SLC26A5: variants seen among roughly 807,000 people sequenced by gnomAD.
The protein encoded by SLC26A5 is prestin.
SLC26A5 carries 51 observed loss-of-function variants against 81.0 expected under a neutral mutation model. That is an observed-to-expected ratio of 0.63 (90% confidence interval 0.50 to 0.80). The LOEUF (loss-of-function observed/expected upper bound fraction) is 0.80, where lower values mean the gene tolerates loss of function less well. SLC26A5 is among the 30% of genes least tolerant of loss of function. The pLI, the probability that SLC26A5 is intolerant of heterozygous loss-of-function variation, is 0.00. For missense variants in SLC26A5, 771 were observed against 905.8 expected (o/e 0.85, Z 1.91); for synonymous variants, 325 against 332.8 (o/e 0.98, Z 0.25).
chr7:103,390,026 C>T (rs1822519153), intron 12 of SLC26A5, among the ~76,000 whole-genome samples: 1 of 152,200 alleles, frequency 6.6e-6, no homozygotes, highest in Non-Finnish European at 1.5e-5. Context: ...GGTCTTTCTA[C>T]ATTATGATCT....
In SLC26A5 at chr7:103,403,548, G is replaced by A. The variant is rs192041218; in HGVS notation, c.888+4303C>T. Among the ~76,000 whole-genome samples the A allele has an allele frequency of 3.7e-3, 568 of 152,240 alleles. 13 individuals are homozygous for A. The highest frequency in any genetic ancestry group is 0.034 in the Admixed American group (515 of 15,294). On this transcript the variant is annotated intron_variant, in intron 8 of 19. Coordinates refer to ENST00000306312, the MANE Select transcript of SLC26A5 (RefSeq NM_198999.3). ...CTAAGGACTTGGTTTATGAATCTGG[G>A]TGCTCCTGTATTGGGTGCATATATA...
At chr7:103,362,585 CTT>C in intron 19 of SLC26A5, 14 of 1,446,528 alleles carry the variant, frequency 9.7e-6, no homozygotes, top group Non-Finnish European at 1.2e-5. Flanking sequence ...CTGTCTCTCT[CTT>C]GTTTTCTTAA....
At chr7:103,383,596 CTG>C (rs1821956552) in intron 14 of SLC26A5, among the ~76,000 whole-genome samples, 1 of 152,192 alleles carries the variant, frequency 6.6e-6, no homozygotes. Context: ...GCTTCTCACA[CTG>C]TACCTTGCTT....
chr7:103,371,576 C>T (rs930910495), downstream of SLC26A5, among the ~76,000 whole-genome samples: 2 of 150,686 alleles, frequency 1.3e-5, no homozygotes, highest in Non-Finnish European at 3.0e-5. Context: ...CTGCCTGCCT[C>T]GGCCTCCCAA....
At chr7:103,391,246 G>C (rs1822626927) in intron 11 of SLC26A5, among the ~76,000 whole-genome samples, 1 of 152,224 alleles carries the variant, frequency 6.6e-6, no homozygotes, top group Non-Finnish European at 1.5e-5. Flanking sequence ...CATGTTGCTA[G>C]TGGCTGCCAT....
At position 103,421,450 on chromosome 7, in the gene SLC26A5, A is replaced by G. The variant is rs369488256; in HGVS notation, c.65T>C (p.Ile22Thr). 2.1e-5 allele frequency: 34 copies of G among 1,613,962 alleles called. No individual in the cohort carries two copies. The highest frequency in any genetic ancestry group is 2.4e-5 in the Non-Finnish European group (28 of 1,179,946). ...ATQRYYVERP[I>T]FSHPVLQERL... ...TTCCTGGAGGACCGGATGACTAAAG[A>G]TAGGCCTTTCCACATAGTACCTCTG... Residue 22 changes from isoleucine (I) to threonine (T), a missense_variant, in exon 3 of 20, where the codon ATC (isoleucine) becomes ACC (threonine). Physicochemically the swap from Ile to Thr is moderately conservative, Grantham distance 89. Transcript: ENST00000306312.
chr7:103,362,803 T>G (rs753833604), intron 19 of SLC26A5: 10 of 1,446,158 alleles, frequency 6.9e-6, no homozygotes, highest in Non-Finnish European at 9.6e-6. Context: ...TCTTTTTTTT[T>G]TTTTTTTTTT....
chr7:103,380,446 T>C lies in SLC26A5; in HGVS notation c.1584+34A>G, dbSNP rs771000312. The C allele has an allele frequency of 6.4e-6, 10 of 1,574,406 alleles. No individual in the cohort carries two copies. The South Asian group carries it at 1.0e-4, about 16-fold the overall frequency. On this transcript the variant is annotated intron_variant, in intron 15 of 19. Transcript: ENST00000306312. ...TACTTAGCCAAGCACATCACATGCT[T>C]ACAACCTTTTTAAGTGATAGAAAAA...
intron 1 of SLC26A5, chr7:103,445,397 C>T (rs1390480826): frequency 6.6e-6 from 1 of 152,244 alleles, no homozygotes; most frequent in Admixed American, 6.5e-5. Flanking sequence ...CTGCCGCGAG[C>T]TTCGAGAGTT....
At chr7:103,412,845 C>T (rs1012943266) in intron 5 of SLC26A5, among the ~76,000 whole-genome samples, 157 bp downstream of exon 5, 2 of 152,092 alleles carry the variant, frequency 1.3e-5, no homozygotes, top group African/African-American at 4.8e-5. Flanking sequence ...GCCACCGCAC[C>T]TGGCCGAGTG....
Position 103,407,918 on chromosome 7 carries a change from C to T in SLC26A5, c.821G>A (p.Gly274Asp), listed in dbSNP as rs1290846591. The T allele has an allele frequency of 1.9e-6, 3 of 1,614,206 alleles. No individual in the cohort carries two copies. The highest frequency in any genetic ancestry group is 2.7e-5 in the African/African-American group (2 of 75,056). The change falls in exon 8 of 20, where the codon GGT becomes GAT. Residue 274 changes from glycine to aspartate, a missense_variant. Coordinates refer to ENST00000306312, the MANE Select transcript of SLC26A5 (RefSeq NM_198999.3). ...VGLMVFGLLL[G>D]GKEFNERFKE... ...AAATCTCTCATTAAACTCCTTGCCA[C>T]CCAACAGCAAACCAAAAACCATCAG...
chr7:103,429,613 G>A (rs562497445), intron 2 of SLC26A5, among the ~76,000 whole-genome samples: 4 of 152,294 alleles, frequency 2.6e-5, no homozygotes, highest in African/African-American at 9.6e-5. Context: ...GCAATAACCA[G>A]AATATATTAT....
chr7:103,408,479 G>C (rs1824235842), intron 7 of SLC26A5, among the ~76,000 whole-genome samples: 1 of 151,966 alleles, frequency 6.6e-6, no homozygotes, highest in Admixed American at 6.6e-5. Flanking sequence ...TGCCTGCCTC[G>C]GCCTCCCAAA....
intron 2 of SLC26A5, among the ~76,000 whole-genome samples, chr7:103,430,584 C>T (rs982382664): frequency 2.3e-5 from 3 of 132,970 alleles, no homozygotes; most frequent in African/African-American, 3.6e-5. Flanking sequence ...CTTCTGCCTG[C>T]TGTTCCAGAG....
At chr7:103,358,666 T>C (rs541672027) in intron 19 of SLC26A5, among the ~76,000 whole-genome samples, 4 of 152,228 alleles carry the variant, frequency 2.6e-5, no homozygotes, top group Admixed American at 2.0e-4. Context: ...CTTTCATTTT[T>C]GTGTGTGTGT....
At chr7:103,392,233 T>G (rs1342650225) in intron 10 of SLC26A5, among the ~76,000 whole-genome samples, 1 of 152,226 alleles carries the variant, frequency 6.6e-6, no homozygotes. Flanking sequence ...TAGTTTCTCC[T>G]TAGAATACAT....
At chr7:103,413,366 A>G (rs985876726) in intron 4 of SLC26A5, among the ~76,000 whole-genome samples, 5 of 152,106 alleles carry the variant, frequency 3.3e-5, no homozygotes, top group African/African-American at 1.2e-4. Context: ...CACAAATTAG[A>G]TAAAAGCAGA....
chr7:103,397,891 G>C (rs1192915608), intron 9 of SLC26A5, 41 bp downstream of exon 9: 2 of 1,413,764 alleles, frequency 1.4e-6, no homozygotes, highest in Non-Finnish European at 2.0e-6. Flanking sequence ...TAGATCCATT[G>C]ATTATTTCAG....
chr7:103,393,122 A>T, intron 9 of SLC26A5, 56 bp from the exon 10 acceptor site: 1 of 1,607,392 alleles, frequency 6.2e-7, no homozygotes, highest in Admixed American at 1.7e-5. Flanking sequence ...AAAGAAAAAA[A>T]ACCTTGCGAC....
Sources: gnomAD v4.1 joint callset for allele counts (sites outside exome capture counted in the v4.1 genomes callset) on GRCh38, gnomAD v4.1.1 for gene constraint, MANE v1.5 for transcripts, NCBI Gene and HGNC (gene_info 2026-07-23, HGNC 2026-07-21) for gene names.